Variants in BMPR1A observed in about 807,000 individuals in gnomAD.
BMPR1A encodes bone morphogenetic protein receptor type-1A.
In BMPR1A, 7 loss-of-function variants were observed where a neutral mutation model predicts 66.0. The ratio of observed to expected loss-of-function variants is 0.11; its 90% confidence interval spans 0.06 to 0.20. The LOEUF is 0.20. Ranked by LOEUF, BMPR1A falls within the 10% of genes least tolerant of loss-of-function variation. BMPR1A has a pLI of 1.00. For missense variants in BMPR1A, 408 were observed against 669.1 expected (o/e 0.61, Z 4.31); for synonymous variants, 200 against 229.7 (o/e 0.87, Z 1.17).
At chr10:86,794,505 AC>A (rs1481389994) in intron 1 of BMPR1A, among the ~76,000 whole-genome samples, 2 of 152,206 alleles carry the variant, frequency 1.3e-5, no homozygotes, top group African/African-American at 4.8e-5. Flanking sequence ...CACCTAACTC[AC>A]AAGGTTGTTG....
intron 1 of BMPR1A, among the ~76,000 whole-genome samples, chr10:86,785,810 C>G (rs978280695): frequency 5.3e-5 from 8 of 152,196 alleles, no homozygotes; most frequent in African/African-American, 1.9e-4. Flanking sequence ...TGGTTCTGCA[C>G]TTGCACCTTT....
At chr10:86,875,147 C>A (rs1032835674) in intron 2 of BMPR1A, among the ~76,000 whole-genome samples, 1 of 151,632 alleles carries the variant, frequency 6.6e-6, no homozygotes, top group Non-Finnish European at 1.5e-5. Flanking sequence ...CTGAGGCTGG[C>A]GGATCACCTG....
At chr10:86,837,949 C>T (rs530477691) in intron 1 of BMPR1A, among the ~76,000 whole-genome samples, 149 of 152,314 alleles carry the variant, frequency 9.8e-4, no homozygotes, top group African/African-American at 3.5e-3. Flanking sequence ...GCCAAGACTG[C>T]TAAACCTCAG....
chr10:86,840,530 T>G (rs949954319), intron 2 of BMPR1A, among the ~76,000 whole-genome samples: 1 of 152,202 alleles, frequency 6.6e-6, no homozygotes, highest in Non-Finnish European at 1.5e-5. Context: ...TTATCCTGTT[T>G]TTTTCTTATG....
At chr10:86,793,094 A>AC (rs142292233) in intron 1 of BMPR1A, among the ~76,000 whole-genome samples, 1,389 of 106,026 alleles carry the variant, frequency 0.013, 23 homozygotes, top group African/African-American at 0.039. Flanking sequence ...CCTGATCTAT[A>AC]CCCCCCCCCA....
intron 2 of BMPR1A, among the ~76,000 whole-genome samples, chr10:86,855,060 G>A (rs987274849): frequency 6.6e-6 from 1 of 151,672 alleles, no homozygotes; most frequent in South Asian, 2.1e-4. Context: ...AGCCTCCCAA[G>A]TAGCTGGGAT....
At chr10:86,800,762 T>C (rs1841801237) in intron 1 of BMPR1A, among the ~76,000 whole-genome samples, 1 of 152,246 alleles carries the variant, frequency 6.6e-6, no homozygotes, top group South Asian at 2.1e-4. Context: ...CATTTCTATT[T>C]ATATCTGTCA....
intron 1 of BMPR1A, among the ~76,000 whole-genome samples, chr10:86,761,183 G>T (rs1274039015): frequency 6.6e-6 from 1 of 152,238 alleles, no homozygotes; most frequent in Non-Finnish European, 1.5e-5. Flanking sequence ...CCCTAAGCCA[G>T]TTCGTATGGG....
At chr10:86,767,481 C>A (rs1020322078) in intron 1 of BMPR1A, among the ~76,000 whole-genome samples, 1 of 152,068 alleles carries the variant, frequency 6.6e-6, no homozygotes, top group Non-Finnish European at 1.5e-5. Context: ...GAGCTCTAGA[C>A]CAGCCTGGGC....
chr10:86,902,714 C>T (rs1415791667), intron 7 of BMPR1A, among the ~76,000 whole-genome samples: 1 of 152,194 alleles, frequency 6.6e-6, no homozygotes, highest in Non-Finnish European at 1.5e-5. Context: ...TGAGGTGAGC[C>T]TTGTGATTGC....
intron 7 of BMPR1A, among the ~76,000 whole-genome samples, chr10:86,902,016 A>C (rs2133470358): frequency 6.6e-6 from 1 of 152,060 alleles, no homozygotes; most frequent in East Asian, 1.9e-4. Flanking sequence ...GCACTGCCAC[A>C]CCTGGCTAAT....
At position 86,924,386 on chromosome 10, in the gene BMPR1A, A is replaced by G; in HGVS notation, c.*667A>G. ...TATCTGACCAAGATTCGCCAATCTC[A>G]TACAAGCCATTTACTTTGCAAGTGA... On this transcript the variant is annotated 3_prime_UTR_variant, in exon 13 of 13. Transcript: ENST00000372037. 4.3e-6 allele frequency: 1 copy of G among 234,682 alleles called. No homozygotes were observed. The highest frequency in any genetic ancestry group is 8.4e-6 in the Non-Finnish European group (1 of 118,714). 14.5% of individuals were successfully genotyped at this position (234,682 alleles called of 1,614,324 possible).
rs186530845 is a variant in BMPR1A at position 86,890,231 on chromosome 10, A to G, written c.230+7A>G. ...CTATTAATAACACATGCATGTAAGT[A>G]TTTTATGCAGCCCTTCTTAAGAGTT... On this transcript the variant is annotated splice_region_variant and intron_variant, in intron 4 of 12. Coordinates refer to ENST00000372037, the MANE Select transcript of BMPR1A (RefSeq NM_004329.3). 8.1e-6 allele frequency: 13 copies of G among 1,613,746 alleles called. No individual in the cohort carries two copies. The East Asian group carries it at 2.5e-4, about 30-fold the overall frequency.
intron 2 of BMPR1A, among the ~76,000 whole-genome samples, chr10:86,852,148 C>T (rs116310498): frequency 6.6e-6 from 1 of 151,798 alleles, no homozygotes; most frequent in African/African-American, 2.4e-5. Flanking sequence ...CTTTCAAGCA[C>T]ACGTGGAGTG....
intron 3 of BMPR1A, among the ~76,000 whole-genome samples, chr10:86,883,124 A>G (rs1374093679): frequency 6.6e-6 from 1 of 152,102 alleles, no homozygotes; most frequent in East Asian, 1.9e-4. Context: ...CTCTACCCCC[A>G]TGCACTTCTC....
At chr10:86,854,782 T>G (rs1285324990) in intron 2 of BMPR1A, 1 of 246,036 alleles carries the variant, frequency 4.1e-6, no homozygotes, top group African/African-American at 2.3e-5. Flanking sequence ...AACTTTTCAG[T>G]TTCTTTTTCC....
At chr10:86,916,474 C>G (rs917929301) in intron 8 of BMPR1A, among the ~76,000 whole-genome samples, 2 of 152,146 alleles carry the variant, frequency 1.3e-5, no homozygotes, top group African/African-American at 2.4e-5. Flanking sequence ...GGGGGCAAGC[C>G]CCAGTCCACA....
At chr10:86,758,815 T>G (rs1847923979) in intron 1 of BMPR1A, among the ~76,000 whole-genome samples, 1 of 152,168 alleles carries the variant, frequency 6.6e-6, no homozygotes, top group South Asian at 2.1e-4. Context: ...ATCAACACAT[T>G]TAACTACCTT....
intron 1 of BMPR1A, among the ~76,000 whole-genome samples, chr10:86,758,630 GGTT>G (rs1847919614): frequency 6.6e-6 from 1 of 152,170 alleles, no homozygotes; most frequent in Admixed American, 6.5e-5. Context: ...AGTAACACAT[GGTT>G]GTTAATTGCG....
Sources: gnomAD v4.1 joint callset for allele counts (sites outside exome capture counted in the v4.1 genomes callset) on GRCh38, gnomAD v4.1.1 for gene constraint, MANE v1.5 for transcripts, NCBI Gene and HGNC (gene_info 2026-07-23, HGNC 2026-07-21) for gene names.